The following TAPBPL variants were observed in gnomAD, a reference collection of about 807,000 sequenced individuals.
TAPBPL encodes the protein TAP binding protein like, also known as tapasin-related protein.
In TAPBPL, 32 loss-of-function variants were observed where a neutral mutation model predicts 44.8. That is an observed-to-expected ratio of 0.71 (90% CI 0.54 to 0.96). The LOEUF (loss-of-function observed/expected upper bound fraction) is 0.96. Among genes scored for constraint, TAPBPL ranks in the 40% least tolerant of loss-of-function variants. TAPBPL has a pLI of 0.00. For missense variants in TAPBPL, 520 were observed against 586.6 expected (o/e 0.89, Z 1.17); for synonymous variants, 230 against 240.7 (o/e 0.96, Z 0.41).
chr12:6,471,108 C>CCCTG (rs1351294315), downstream of TAPBPL: 1 of 156,198 alleles, frequency 6.4e-6, no homozygotes, highest in Admixed American at 6.3e-5. This position sits in a 1 kb window ranked among gnomAD's most constrained non-coding sequence, Gnocchi z 4.0. Flanking sequence ...AGCCCTGGTG[C>CCCTG]CCTGCTCTGG....
upstream of TAPBPL, chr12:6,451,967 G>C (rs1949556546): frequency 3.9e-6 from 2 of 513,354 alleles, no homozygotes; most frequent in Non-Finnish European, 7.1e-6. Flanking sequence ...GTCAGGTCTT[G>C]AAATCACCAG....
rs1213805352 is a variant in TAPBPL at position 6,457,476 on chromosome 12, T to C, written c.636T>C (p.Cys212=). The part of the protein sequence containing the change: ...FLLGSSASLD[C]GFSMAPGLDL... The stretch of plus-strand genomic sequence containing the variant: ...TGGGGTCCTCAGCCTCCTTGGACTG[T>C]GGCTTCTCCATGGCACCGGGCTTGG... The change falls in exon 4 of 7, where the codon TGT becomes TGC. Residue 212 remains cysteine (C), a synonymous_variant. Coordinates refer to ENST00000266556, the MANE Select transcript of TAPBPL (RefSeq NM_018009.5). The C allele has an allele frequency of 6.2e-7, 1 of 1,614,208 alleles. No individual in the cohort carries two copies. Among genetic ancestry groups the C allele is most frequent in the Admixed American group, 1.7e-5 (1 of 60,022 alleles).
chr12:6,471,211 C>G (rs1398344521), downstream of TAPBPL, among the ~76,000 whole-genome samples: 1 of 152,198 alleles, frequency 6.6e-6, no homozygotes, highest in African/African-American at 2.4e-5. This position sits in a 1 kb window ranked among gnomAD's most constrained non-coding sequence, Gnocchi z 4.0. Context: ...GTGCCAGATA[C>G]CGGATGCGGG....
chr12:6,460,304 C>T (rs1351687833), intron 5 of TAPBPL, among the ~76,000 whole-genome samples: 1 of 150,712 alleles, frequency 6.6e-6, no homozygotes, highest in Non-Finnish European at 1.5e-5. Context: ...CTCACTCTGT[C>T]GCCCAGGCTG....
Position 6,452,129 on chromosome 12 carries a change from C to T in TAPBPL, c.-120C>T. The T allele has an allele frequency of 8.0e-7, 1 of 1,250,754 alleles. No individual in the cohort carries two copies. Among genetic ancestry groups the T allele is most frequent in the Non-Finnish European group, 1.1e-6 (1 of 878,576 alleles). The allele number at this position is 1,250,754 out of a possible 1,614,324, so 77.5% of individuals were successfully genotyped here. A position where few individuals can be genotyped will look rare whatever the true frequency, so the allele number is the denominator to read the frequency against. On this transcript the variant is annotated 5_prime_UTR_variant, in exon 1 of 7. Transcript: ENST00000266556. ...GGCAGCAGAGGGAACAGGGAAGAAA[C>T]CTAAAGGCTGCAGGCTGCCAGGTGT... is the stretch of plus-strand genomic sequence containing the variant.
At chr12:6,464,028 G>T (rs1041812985), downstream of TAPBPL, 1 of 1,294,560 alleles carries the variant, frequency 7.7e-7, no homozygotes, top group African/African-American at 1.5e-5. Flanking sequence ...GCAGTACTGA[G>T]TGAGCTGCCA....
At chr12:6,468,686 C>T (rs1945692712), downstream of TAPBPL, among the ~76,000 whole-genome samples, 1 of 152,206 alleles carries the variant, frequency 6.6e-6, no homozygotes, top group African/African-American at 2.4e-5. Flanking sequence ...TTCTCTCATT[C>T]TGTACCACTC....
intron 1 of TAPBPL, chr12:6,452,747 G>A: frequency 1.7e-6 from 1 of 602,418 alleles, no homozygotes. Context: ...CTCTGCGGTG[G>A]CACTTGCTTG....
chr12:6,464,685 A>G, downstream of TAPBPL: 2 of 1,489,662 alleles, frequency 1.3e-6, no homozygotes, highest in South Asian at 1.4e-5. Flanking sequence ...ATCTCCCTGC[A>G]ATGCGTTGCA....
chr12:6,471,212 C>T (rs1945767632), downstream of TAPBPL, among the ~76,000 whole-genome samples: 1 of 152,194 alleles, frequency 6.6e-6, no homozygotes, highest in Non-Finnish European at 1.5e-5. The surrounding 1 kb of genome is among the most constrained non-coding windows in gnomAD (Gnocchi z 4.0). Context: ...TGCCAGATAC[C>T]GGATGCGGGG....
downstream of TAPBPL, chr12:6,463,029 C>T: frequency 6.5e-7 from 1 of 1,546,010 alleles, no homozygotes; most frequent in Non-Finnish European, 8.7e-7. The surrounding 1 kb of genome is among the most constrained non-coding windows in gnomAD (Gnocchi z 4.0). Context: ...GCTCTGTTCC[C>T]AGCCTGCCCT....
Position 6,457,719 on chromosome 12 carries a change from G to A in TAPBPL, c.879G>A (p.Gln293=). 2 of 1,595,070 alleles carry A rather than the reference G, an allele frequency of 1.3e-6. No individual in the cohort carries two copies. The change falls in exon 4 of 7, where the codon CAG becomes CAA. Residue 293 remains glutamine, a synonymous_variant. Coordinates refer to ENST00000266556, the MANE Select transcript of TAPBPL (RefSeq NM_018009.5). ...TCACCACCTCTCTGTACCGAGCTCA[G>A]CAGATCATCCAGCTCAACATCCAAG... The part of the protein sequence containing the change: ...CQITTSLYRA[Q]QIIQLNIQAS...
At chr12:6,464,711 C>G, downstream of TAPBPL, 1 of 1,509,062 alleles carries the variant, frequency 6.6e-7, no homozygotes, top group South Asian at 1.4e-5. Context: ...AAGGCTTGTC[C>G]ATCAAAGAAA....
chr12:6,465,381 T>A (rs1435675376), downstream of TAPBPL: 9 of 92,650 alleles, frequency 9.7e-5, no homozygotes, highest in Middle Eastern at 4.3e-3. Flanking sequence ...TAAATGTATA[T>A]ATATGTATAT....
At position 6,452,277 on chromosome 12, in the gene TAPBPL, TG is replaced by T; in HGVS notation, c.30del (p.Leu11SerfsTer27). ...GGCACACAGGAGGGCTGGTGCCTGC[TG>T]CTCTGCCTGGCTCTATCTGGAGCAG... MGTQEGWCL[L>X]LCLALSGAAE... On this transcript the variant is annotated frameshift_variant, in exon 1 of 7. Transcript: ENST00000266556. LOFTEE classifies it high-confidence loss of function. The T allele has an allele frequency of 6.3e-7, 1 of 1,575,194 alleles. No homozygotes were observed. The highest frequency in any genetic ancestry group is 8.6e-7 in the Non-Finnish European group (1 of 1,160,968).
At position 6,452,131 on chromosome 12, in the gene TAPBPL, T is replaced by C. The variant is rs1949562155; in HGVS notation, c.-118T>C. ...CAGCAGAGGGAACAGGGAAGAAACC[T>C]AAAGGCTGCAGGCTGCCAGGTGTGC... On this transcript the variant is annotated 5_prime_UTR_variant, in exon 1 of 7. Transcript: ENST00000266556. 3 of 1,274,168 alleles carry C rather than the reference T, an allele frequency of 2.4e-6. No homozygotes were observed. Among genetic ancestry groups the C allele is most frequent in the Non-Finnish European group, 3.3e-6 (3 of 899,438 alleles). 78.9% of individuals were successfully genotyped at this position (1,274,168 alleles called of 1,614,324 possible). A position where few individuals can be genotyped will look rare whatever the true frequency, so the allele number is the denominator to read the frequency against.
downstream of TAPBPL, chr12:6,464,761 C>T (rs1170331169): frequency 1.0e-5 from 16 of 1,533,704 alleles, no homozygotes; most frequent in Middle Eastern, 1.8e-4. Context: ...AACCAGGTGA[C>T]GATCCCATAG....
chr12:6,470,673 T>C, downstream of TAPBPL: 1 of 1,063,020 alleles, frequency 9.4e-7, no homozygotes, highest in Non-Finnish European at 1.4e-6. Context: ...GCGCTGGAAC[T>C]TACTGCAGCT....
At chr12:6,470,270 A>G (rs1945737827), downstream of TAPBPL, among the ~76,000 whole-genome samples, 1 of 150,186 alleles carries the variant, frequency 6.7e-6, no homozygotes. Context: ...ATGAGGCGCC[A>G]CTCAGACGAG....
Sources: gnomAD v4.1 joint callset for allele counts (sites outside exome capture counted in the v4.1 genomes callset) on GRCh38, gnomAD v4.1.1 for gene constraint, Gnocchi (gnomAD v3.1) non-coding constraint, MANE v1.5 for transcripts, NCBI Gene and HGNC (gene_info 2026-07-23, HGNC 2026-07-21) for gene names.